The following UNC79 variants were observed in gnomAD, a reference collection of about 807,000 sequenced individuals.
UNC79 encodes unc-79 subunit of NALCN channel complex, also known as protein unc-79 homolog.
UNC79 carries 37 observed loss-of-function variants against 283.1 expected under a neutral mutation model. That is an observed-to-expected ratio of 0.13 (90% CI 0.10 to 0.17). UNC79 has a LOEUF of 0.17. Ranked by LOEUF, UNC79 falls within the 10% of genes least tolerant of loss-of-function variation. The probability of loss-of-function intolerance (pLI) is 1.00; values close to 1 mark genes in which losing one functional copy is unlikely to be tolerated. For missense variants in UNC79, 2,272 were observed against 3,211.1 expected (o/e 0.71, Z 7.07); for synonymous variants, 1,107 against 1,200.2 (o/e 0.92, Z 1.61).
intron 47 of UNC79, among the ~76,000 whole-genome samples, chr14:93,695,600 AG>A: frequency 6.6e-6 from 1 of 152,020 alleles, no homozygotes; most frequent in Non-Finnish European, 1.5e-5. Flanking sequence ...CACCTCCAAA[AG>A]TTTTTTCAGG....
At position 93,683,845 on chromosome 14, in the gene UNC79, C is replaced by CAAA. The variant is rs559221988; in HGVS notation, c.6819+1162_6819+1164dup. Reference sequence around the variant, plus strand: ...AGCCAATCAGCAGACTTTTCTGTCTCAAAAAAAAAAAAACACACACTTCAT... The same window carrying CAAA: ...AGCCAATCAGCAGACTTTTCTGTCTCAAAAAAAAAAAAAAAACACACACTTCAT... On this transcript the variant is annotated intron_variant, in intron 42 of 48. Transcript: ENST00000555664. Among the ~76,000 whole-genome samples, 589 of 133,338 alleles carry CAAA rather than the reference C, an allele frequency of 4.4e-3. 4 individuals carry two copies. Among genetic ancestry groups the CAAA allele is most frequent in the African/African-American group, 0.015 (548 of 36,732 alleles). 87.5% of individuals were successfully genotyped at this position (133,338 alleles called of 152,430 possible). A position where few individuals can be genotyped will look rare whatever the true frequency, so the allele number is the denominator to read the frequency against.
rs2053865232 is a variant in UNC79, at chr14:93,347,262, A to C, written c.-351+13739A>C. Reference sequence around the variant, plus strand: ...TCCACGCCTGGCTTTGTCTCACCTGACGCGATATGCCTCTCCTGCGTGGGC... The same window carrying C: ...TCCACGCCTGGCTTTGTCTCACCTGCCGCGATATGCCTCTCCTGCGTGGGC... On this transcript the variant is annotated intron_variant, in intron 1 of 49. Transcript: ENST00000256339. 4 of 1,599,428 alleles carry C rather than the reference A, an allele frequency of 2.5e-6. No homozygotes were observed. In the African/African-American group the frequency reaches 5.4e-5, roughly 22 times the overall value.
intron 30 of UNC79, among the ~76,000 whole-genome samples, chr14:93,626,701 C>A (rs751306824): frequency 6.6e-6 from 1 of 151,870 alleles, no homozygotes; most frequent in Non-Finnish European, 1.5e-5. Context: ...AACAAAAACA[C>A]ATAATGTTGA....
At chr14:93,686,582 C>T (rs1469901019) in exon 43 of UNC79, 1 of 1,614,112 alleles carries the variant, frequency 6.2e-7, no homozygotes, top group Admixed American at 1.7e-5. Flanking sequence ...TGTGGGACTG[C>T]AGCGATGGAG....
intron 16 of UNC79, 69 bp downstream of exon 16, chr14:93,572,885 C>G: frequency 1.9e-6 from 3 of 1,569,148 alleles, no homozygotes; most frequent in Non-Finnish European, 2.6e-6. Context: ...ATCCCTGGAT[C>G]GAGAGAGTGG....
At chr14:93,631,865 A>G (rs550374064) in intron 31 of UNC79, among the ~76,000 whole-genome samples, 1 of 152,358 alleles carries the variant, frequency 6.6e-6, no homozygotes, top group African/African-American at 2.4e-5. Context: ...AAAGTGAATA[A>G]ATAAAACACC....
chr14:93,455,055 T>TA (rs1221396258), intron 1 of UNC79, among the ~76,000 whole-genome samples: 2 of 152,176 alleles, frequency 1.3e-5, no homozygotes, highest in African/African-American at 4.8e-5. Flanking sequence ...AAGTGCCAGG[T>TA]AAAATTTGCT....
At chr14:93,378,372 GA>G (rs1182566237) in intron 1 of UNC79, among the ~76,000 whole-genome samples, 2 of 152,162 alleles carry the variant, frequency 1.3e-5, no homozygotes, top group African/African-American at 2.4e-5. Flanking sequence ...AACCTTTGGG[GA>G]ACTTCCTACT....
chr14:93,701,494 A>G (rs929852538), intron 47 of UNC79, among the ~76,000 whole-genome samples: 4 of 152,128 alleles, frequency 2.6e-5, no homozygotes, highest in Non-Finnish European at 4.4e-5. Flanking sequence ...GTGAAAACCT[A>G]TTTTTTAAAT....
intron 1 of UNC79, among the ~76,000 whole-genome samples, chr14:93,385,553 C>T (rs760662458): frequency 3.9e-5 from 6 of 152,044 alleles, no homozygotes; most frequent in South Asian, 2.1e-4. Context: ...CCGAGGTGGG[C>T]GGATCACTTG....
chr14:93,617,112 T>C lies in UNC79; in HGVS notation c.4042-10T>C, dbSNP rs2066789858. The C allele has an allele frequency of 6.3e-7, 1 of 1,594,906 alleles. No homozygotes were observed. Among genetic ancestry groups the C allele is most frequent in the Non-Finnish European group, 8.6e-7 (1 of 1,167,930 alleles). On this transcript the variant is annotated splice_polypyrimidine_tract_variant and intron_variant, in intron 27 of 48. Transcript: ENST00000555664. This position sits in a 1 kb window ranked among gnomAD's most constrained non-coding sequence, Gnocchi z 4.5. ...TTTTCCATCAGTTATTAATATTTTT[T>C]CTATTTCAGGTTATGGACTATAACA...
chr14:93,466,340 G>GACGTTCACATTCATGTGGATGTC (rs1300274810), intron 1 of UNC79, among the ~76,000 whole-genome samples: 1 of 152,222 alleles, frequency 6.6e-6, no homozygotes, highest in African/African-American at 2.4e-5. Flanking sequence ...TCAAGCAATG[G>GACGTTCACATTCATGTGGATGTC]ACGTTCACAT....
chr14:93,430,089 T>C (rs534181441), upstream of UNC79, among the ~76,000 whole-genome samples: 2 of 152,330 alleles, frequency 1.3e-5, no homozygotes, highest in East Asian at 3.9e-4. This position sits in a 1 kb window ranked among gnomAD's most constrained non-coding sequence, Gnocchi z 4.6. Context: ...GCCTTCGGTT[T>C]TCCAGTCGAG....
intron 44 of UNC79, 156 bp from the exon 48 acceptor site, chr14:93,689,961 A>C: frequency 1.4e-6 from 1 of 713,762 alleles, no homozygotes; most frequent in South Asian, 1.9e-5. Flanking sequence ...AAAAACAGAT[A>C]TATCATTTTG....
intron 1 of UNC79, among the ~76,000 whole-genome samples, chr14:93,412,900 A>T (rs536178785): frequency 6.6e-6 from 1 of 152,280 alleles, no homozygotes; most frequent in East Asian, 1.9e-4. Flanking sequence ...GGAGTACTTC[A>T]ATCAGAAAAA....
chr14:93,586,263 A>G (rs895699952), intron 20 of UNC79, among the ~76,000 whole-genome samples: 1 of 152,200 alleles, frequency 6.6e-6, no homozygotes, highest in Non-Finnish European at 1.5e-5. Flanking sequence ...TTCAGGGAGC[A>G]GCAGAACTAA....
intron 35 of UNC79, among the ~76,000 whole-genome samples, chr14:93,647,003 C>A (rs1312577618): frequency 1.3e-5 from 2 of 152,192 alleles, no homozygotes; most frequent in Non-Finnish European, 2.9e-5. Context: ...TACTTTTAAG[C>A]CCACCCTGTG....
intron 1 of UNC79, among the ~76,000 whole-genome samples, chr14:93,441,428 A>G (rs2056295148): frequency 6.6e-6 from 1 of 152,026 alleles, no homozygotes; most frequent in Non-Finnish European, 1.5e-5. Context: ...TTTTACATCT[A>G]TTGATATGAT....
At chr14:93,451,176 A>G (rs2056629576) in intron 1 of UNC79, among the ~76,000 whole-genome samples, 2 of 149,858 alleles carry the variant, frequency 1.3e-5, no homozygotes, top group Non-Finnish European at 3.0e-5. Flanking sequence ...CTCCAAGTTG[A>G]TTTTCTCTCC....
Sources: gnomAD v4.1 joint callset for allele counts (sites outside exome capture counted in the v4.1 genomes callset) on GRCh38, gnomAD v4.1.1 for gene constraint, Gnocchi (gnomAD v3.1) non-coding constraint, MANE v1.5 for transcripts, NCBI Gene and HGNC (gene_info 2026-07-23, HGNC 2026-07-21) for gene names.